The following NTRK3 variants were observed in gnomAD, a reference collection of about 807,000 sequenced individuals.
NTRK3 encodes the protein NT-3 growth factor receptor.
Under a neutral mutation model 91.7 loss-of-function variants are expected in NTRK3, and 24 were observed. The ratio of observed to expected loss-of-function variants is 0.26; its 90% confidence interval spans 0.19 to 0.37. NTRK3 has a LOEUF of 0.37. Among genes scored for constraint, NTRK3 ranks in the 10% least tolerant of loss-of-function variants. The pLI is 1.00. For missense variants in NTRK3, 880 were observed against 1,068.9 expected (o/e 0.82, Z 2.46); for synonymous variants, 483 against 404.0 (o/e 1.20, Z -2.34).
chr15:88,205,006 G>A (rs2048620856), intron 3 of NTRK3, among the ~76,000 whole-genome samples: 2 of 152,166 alleles, frequency 1.3e-5, no homozygotes, highest in Admixed American at 6.5e-5. Flanking sequence ...TACAGTCTGG[G>A]CAATATCCCA....
intron 14 of NTRK3, among the ~76,000 whole-genome samples, chr15:88,027,013 G>T (rs1853957681): frequency 6.6e-6 from 1 of 152,090 alleles, no homozygotes; most frequent in South Asian, 2.1e-4. Context: ...CCTTATCCTA[G>T]AAACAGAAGA....
At chr15:87,878,727 C>G (rs937370952) in intron 18 of NTRK3, among the ~76,000 whole-genome samples, 4 of 152,178 alleles carry the variant, frequency 2.6e-5, no homozygotes, top group African/African-American at 9.7e-5. Context: ...AGAAAGCCTG[C>G]CTTTAAGGCC....
intron 12 of NTRK3, among the ~76,000 whole-genome samples, chr15:88,126,771 C>A (rs1011653668): frequency 4.6e-5 from 7 of 152,150 alleles, no homozygotes; most frequent in African/African-American, 1.7e-4. Context: ...TAAAAAGAAT[C>A]CTTTCTCCTC....
chr15:88,063,977 G>T (rs975240709), intron 13 of NTRK3, among the ~76,000 whole-genome samples: 1 of 152,210 alleles, frequency 6.6e-6, no homozygotes, highest in Non-Finnish European at 1.5e-5. Flanking sequence ...TGGAAATAGA[G>T]TCTTTGTAGA....
exon 19 of NTRK3, chr15:87,867,045 C>T (rs950805793): frequency 4.5e-6 from 1 of 222,592 alleles, no homozygotes; most frequent in African/African-American, 2.2e-5. Flanking sequence ...TGGAGAAAGG[C>T]TCCCCTTTCC....
chr15:88,147,530 C>CA, intron 5 of NTRK3, 127 bp from the exon 6 acceptor site: 1 of 659,420 alleles, frequency 1.5e-6, no homozygotes, highest in South Asian at 1.7e-5. Flanking sequence ...TCTTCTTCTT[C>CA]TTCTTCTTCT....
At chr15:87,936,971 G>A (rs1474704022) in intron 15 of NTRK3, among the ~76,000 whole-genome samples, 1 of 152,090 alleles carries the variant, frequency 6.6e-6, no homozygotes, top group African/African-American at 2.4e-5. Flanking sequence ...TCCTGTCCTC[G>A]CACACACTCC....
At chr15:87,996,379 G>A (rs555210249) in intron 14 of NTRK3, among the ~76,000 whole-genome samples, 1 of 152,206 alleles carries the variant, frequency 6.6e-6, no homozygotes, top group Non-Finnish European at 1.5e-5. Context: ...CTGGACACGT[G>A]ATACATTAGG....
intron 14 of NTRK3, among the ~76,000 whole-genome samples, chr15:87,987,465 TTG>T (rs924441984): frequency 4.0e-5 from 6 of 151,844 alleles, no homozygotes; most frequent in Non-Finnish European, 7.4e-5. Flanking sequence ...CCTCATTTTC[TTG>T]TGTGTGTCTT....
intron 13 of NTRK3, among the ~76,000 whole-genome samples, chr15:88,050,371 T>C (rs2080704380): frequency 6.6e-6 from 1 of 152,184 alleles, no homozygotes; most frequent in African/African-American, 2.4e-5. Context: ...CTAGGTACCA[T>C]TCCCATCTTG....
At chr15:88,152,676 G>A (rs1174239149) in intron 5 of NTRK3, among the ~76,000 whole-genome samples, 1 of 152,144 alleles carries the variant, frequency 6.6e-6, no homozygotes, top group African/African-American at 2.4e-5. Context: ...ACCTGTTCTC[G>A]GCCCCTCATT....
chr15:88,077,017 C>T (rs2047609288), intron 13 of NTRK3, among the ~76,000 whole-genome samples: 3 of 152,070 alleles, frequency 2.0e-5, no homozygotes, highest in Admixed American at 1.3e-4. Flanking sequence ...TCGCTTGAAC[C>T]TAGGAGGCGG....
At chr15:87,879,235 T>C (rs1200271593) in intron 18 of NTRK3, among the ~76,000 whole-genome samples, 1 of 152,194 alleles carries the variant, frequency 6.6e-6, no homozygotes, top group Non-Finnish European at 1.5e-5. Context: ...CTGTTGAATA[T>C]TCAAATAAGA....
In NTRK3 at chr15:87,952,351, A is replaced by G. The variant is rs1414620166; in HGVS notation, c.1586-11598T>C. Among the ~76,000 whole-genome samples, 3 of 152,186 alleles carry G rather than the reference A, an allele frequency of 2.0e-5. No homozygotes were observed. The East Asian group carries it at 5.8e-4, about 29-fold the overall frequency. On this transcript the variant is annotated intron_variant, in intron 14 of 18. Transcript: ENST00000394480. ...AAATCCAGTCTAGTCGTGAGCTCCTAGGACACACACGTGCCCCCCATGAAA... is the reference window on the plus strand; with the variant it reads ...AAATCCAGTCTAGTCGTGAGCTCCTGGGACACACACGTGCCCCCCATGAAA...
chr15:87,878,554 G>A (rs982221640), intron 18 of NTRK3, among the ~76,000 whole-genome samples: 5 of 152,158 alleles, frequency 3.3e-5, no homozygotes, highest in Non-Finnish European at 5.9e-5. Flanking sequence ...GATTCAGTTC[G>A]AACTACAGTA....
intron 14 of NTRK3, among the ~76,000 whole-genome samples, chr15:87,959,497 T>C (rs569081836): frequency 2.7e-4 from 41 of 152,326 alleles, no homozygotes; most frequent in African/African-American, 9.6e-4. Flanking sequence ...GGCGTGCTAG[T>C]TATTAAATCA....
chr15:88,238,666 T>C (rs1406729785), intron 3 of NTRK3, among the ~76,000 whole-genome samples: 2 of 152,262 alleles, frequency 1.3e-5, no homozygotes, highest in Non-Finnish European at 2.9e-5. Context: ...CAACTTATTA[T>C]ATTTTTCACC....
chr15:88,252,371 C>T (rs2053493019), intron 3 of NTRK3, among the ~76,000 whole-genome samples: 1 of 152,150 alleles, frequency 6.6e-6, no homozygotes, highest in Non-Finnish European at 1.5e-5. Context: ...CAGAAGAGGG[C>T]CTTCAGGGAG....
exon 19 of NTRK3, chr15:87,873,677 C>G (rs1008108738): frequency 8.6e-6 from 2 of 231,868 alleles, no homozygotes; most frequent in Non-Finnish European, 1.7e-5. Context: ...TGTCATTTCA[C>G]AACACATTTC....
Sources: gnomAD v4.1 joint callset for allele counts (sites outside exome capture counted in the v4.1 genomes callset) on GRCh38, gnomAD v4.1.1 for gene constraint, MANE v1.5 for transcripts, NCBI Gene and HGNC (gene_info 2026-07-23, HGNC 2026-07-21) for gene names.